The following HRH1 variants were observed in gnomAD, a reference collection of about 807,000 sequenced individuals.
HRH1 encodes the protein histamine receptor H1, also known as histamine H1 receptor.
In HRH1, 6 loss-of-function variants were observed where a neutral mutation model predicts 10.3. The ratio of observed to expected loss-of-function variants is 0.58; its 90% CI spans 0.32 to 1.15. The LOEUF (loss-of-function observed/expected upper bound fraction) is 1.15, where lower values mean the gene tolerates loss of function less well. Ranked by LOEUF, HRH1 falls within the 50% of genes most tolerant of loss-of-function variation. The probability of loss-of-function intolerance (pLI) is 0.05; values close to 1 mark genes in which losing one functional copy is unlikely to be tolerated. For missense variants in HRH1, 514 were observed against 615.3 expected, an observed-to-expected ratio of 0.84 and a Z score of 1.74; for synonymous variants, 242 against 236.7, an observed-to-expected ratio of 1.02 and a Z score of -0.21.
intron 1 of HRH1, among the ~76,000 whole-genome samples, chr3:11,244,411 T>C (rs141795518): frequency 0.014 from 2,166 of 152,272 alleles, 30 homozygotes; most frequent in Middle Eastern, 0.044. Context: ...GTCTTAGACA[T>C]GAGAGGAGAC....
At chr3:11,139,336 G>A (rs1422850788) in intron 1 of HRH1, among the ~76,000 whole-genome samples, 1 of 148,422 alleles carries the variant, frequency 6.7e-6, no homozygotes, top group Non-Finnish European at 1.5e-5. Flanking sequence ...CTGGAGTGCA[G>A]TGGTGCAATC....
intron 1 of HRH1, among the ~76,000 whole-genome samples, chr3:11,156,877 G>A (rs1936815010): frequency 6.6e-6 from 1 of 152,236 alleles, no homozygotes; most frequent in African/African-American, 2.4e-5. Context: ...TCTGTAAAGT[G>A]AGAGTAGGTC....
At chr3:11,223,087 C>A (rs558134090) in intron 1 of HRH1, among the ~76,000 whole-genome samples, 1 of 141,630 alleles carries the variant, frequency 7.1e-6, no homozygotes, top group South Asian at 2.4e-4. Context: ...CAGGAAGCTG[C>A]GGCAGGAGAA....
At chr3:11,185,194 C>G (rs1349755399) in intron 1 of HRH1, among the ~76,000 whole-genome samples, 3 of 152,136 alleles carry the variant, frequency 2.0e-5, no homozygotes, top group Non-Finnish European at 4.4e-5. Flanking sequence ...TAAGGCATCC[C>G]TGGAAATTCT....
In HRH1 at chr3:11,246,981, T is replaced by C. The variant is rs192425645; in HGVS notation, c.-35-12022T>C. ...TGGGAGGATTGCTTGAATCATTTTC[T>C]GTCAAATATAATTGTTAGATGATAA... is the stretch of plus-strand genomic sequence containing the variant. On this transcript the variant is annotated intron_variant, in intron 1 of 1. Coordinates refer to ENST00000431010, the MANE Select transcript of HRH1 (RefSeq NM_001098212.2). Among the ~76,000 whole-genome samples the C allele has an allele frequency of 1.8e-3, 281 of 152,312 alleles. 1 individual carries two copies. Among genetic ancestry groups the C allele is most frequent in the African/African-American group, 6.3e-3 (262 of 41,574 alleles).
chr3:11,161,860 C>T (rs1021221866), intron 1 of HRH1, among the ~76,000 whole-genome samples: 1 of 152,216 alleles, frequency 6.6e-6, no homozygotes, highest in African/African-American at 2.4e-5. Flanking sequence ...TCCCACTGGT[C>T]TCTCCTGTAG....
intron 1 of HRH1, among the ~76,000 whole-genome samples, chr3:11,242,510 G>A (rs1422871117): frequency 8.9e-5 from 10 of 112,838 alleles, no homozygotes; most frequent in Admixed American, 9.6e-5. Flanking sequence ...AAAAAAAAAA[G>A]CTGTAACACT....
intron 1 of HRH1, among the ~76,000 whole-genome samples, chr3:11,184,569 GA>G (rs1459011676): frequency 2.0e-5 from 3 of 152,134 alleles, no homozygotes; most frequent in Non-Finnish European, 2.9e-5. Context: ...AGGAGTGGCA[GA>G]AGTGCTTTCC....
chr3:11,246,994 T>C (rs1256294077), intron 1 of HRH1, among the ~76,000 whole-genome samples: 1 of 152,012 alleles, frequency 6.6e-6, no homozygotes, highest in Non-Finnish European at 1.5e-5. Context: ...CAAATATAAT[T>C]GTTAGATGAT....
At chr3:11,209,298 C>T (rs1351752759) in intron 1 of HRH1, among the ~76,000 whole-genome samples, 1 of 152,136 alleles carries the variant, frequency 6.6e-6, no homozygotes, top group African/African-American at 2.4e-5. Context: ...TGCTCTATTG[C>T]CCAGGCTGAT....
At chr3:11,182,561 T>C (rs113591005) in intron 1 of HRH1, among the ~76,000 whole-genome samples, 4 of 152,328 alleles carry the variant, frequency 2.6e-5, no homozygotes, top group African/African-American at 9.6e-5. Flanking sequence ...AATTACTTCC[T>C]GCTCAGGCCT....
rs1480883413 is a variant in HRH1 at position 11,262,392 on chromosome 3, T to G, written c.*1891T>G. ...AATGTTAACAGAGTTTGATATGGGC[T>G]TTCTCTTTGGTTTCTCATCACATTT... On this transcript the variant is annotated 3_prime_UTR_variant, in exon 2 of 2. Coordinates refer to ENST00000431010, the MANE Select transcript of HRH1 (RefSeq NM_001098212.2). The G allele has an allele frequency of 1.8e-5, 3 of 167,142 alleles. No individual in the cohort carries two copies. Among genetic ancestry groups the G allele is most frequent in the African/African-American group, 7.2e-5 (3 of 41,474 alleles). The allele number at this position is 167,142 out of a possible 1,614,324, so 10.4% of individuals were successfully genotyped here.
rs561862757 is a variant in HRH1 at position 11,140,677 on chromosome 3, CCA to C, written c.-36+3279_-36+3280del. On this transcript the variant is annotated intron_variant, in intron 1 of 1. Transcript: ENST00000438284. Reference sequence around the variant, plus strand: ...CATACCCTTAGCACTTGTAAAACACCCAGTTACTGGGTTTTACCTGAACTCTG... The same window carrying C: ...CATACCCTTAGCACTTGTAAAACACCGTTACTGGGTTTTACCTGAACTCTG... Among the ~76,000 whole-genome samples the C allele has an allele frequency of 6.6e-5, 10 of 152,214 alleles. No individual in the cohort carries two copies. In the South Asian group the frequency reaches 2.1e-3, roughly 32 times the overall value.
chr3:11,197,630 G>A (rs1468000300), intron 1 of HRH1, among the ~76,000 whole-genome samples: 3 of 152,208 alleles, frequency 2.0e-5, no homozygotes, highest in Non-Finnish European at 4.4e-5. Flanking sequence ...ATCCAATTTA[G>A]TAATCATTTC....
At chr3:11,138,831 T>A (rs1936236417) in intron 1 of HRH1, among the ~76,000 whole-genome samples, 2 of 151,184 alleles carry the variant, frequency 1.3e-5, no homozygotes, top group East Asian at 2.0e-4. Flanking sequence ...TACACCACCA[T>A]GTCCGCCCAA....
chr3:11,219,739 A>G (rs1490894157), intron 1 of HRH1, among the ~76,000 whole-genome samples: 1 of 149,644 alleles, frequency 6.7e-6, no homozygotes, highest in Non-Finnish European at 1.5e-5. Context: ...AAAAAAGGAA[A>G]GAAAATTTAA....
intron 1 of HRH1, among the ~76,000 whole-genome samples, chr3:11,213,973 T>C (rs1242536344): frequency 6.6e-6 from 1 of 152,130 alleles, no homozygotes; most frequent in African/African-American, 2.4e-5. Context: ...GGAAGGCTCC[T>C]TGGCGGGTGG....
intron 1 of HRH1, among the ~76,000 whole-genome samples, chr3:11,156,494 G>A (rs1005587001): frequency 1.3e-5 from 2 of 152,178 alleles, no homozygotes; most frequent in Non-Finnish European, 2.9e-5. Context: ...ATGAAGGAGT[G>A]CCTGGCTTTT....
At chr3:11,202,438 T>TAAATAAATAAA (rs58125465) in intron 1 of HRH1, among the ~76,000 whole-genome samples, 28,390 of 133,010 alleles carry the variant, frequency 0.21, 3,357 homozygotes, top group East Asian at 0.35. Flanking sequence ...AAATAAATAA[T>TAAATAAATAAA]TAATTAAAAA....
Sources: allele counts gnomAD v4.1 joint callset (sites outside exome capture counted in the v4.1 genomes callset), GRCh38; gene constraint gnomAD v4.1.1; transcripts MANE v1.5; gene names NCBI Gene and HGNC (gene_info 2026-07-23, HGNC 2026-07-21).